Variants in ZAN observed in about 807,000 individuals in gnomAD.
ZAN encodes zonadhesin (gene/pseudogene).
A neutral mutation model predicts 286.2 loss-of-function variants in ZAN; 260 were observed. The ratio of observed to expected loss-of-function variants is 0.91; its 90% CI spans 0.82 to 1.01. ZAN has a LOEUF of 1.01. ZAN is among the 50% of genes least tolerant of loss of function. The pLI, the probability that ZAN is intolerant of heterozygous loss-of-function variation, is 0.00. For missense variants in ZAN, 3,410 were observed against 3,639.2 expected (o/e 0.94, Z 1.62); for synonymous variants, 1,368 against 1,417.5 (o/e 0.97, Z 0.79).
chr7:100,774,149 A>G (rs369554136), intron 31 of ZAN, among the ~76,000 whole-genome samples: 2 of 152,270 alleles, frequency 1.3e-5, no homozygotes, highest in East Asian at 3.9e-4. Flanking sequence ...AGCACTTTGG[A>G]AGGCCAAGGC....
At position 100,738,871 on chromosome 7, in the gene ZAN, T is replaced by TTCTCCTTCTC. The variant is rs1807500066; in HGVS notation, c.766+258_766+259insTCTCCTTCTC. Among the ~76,000 whole-genome samples the TTCTCCTTCTC allele has an allele frequency of 9.7e-4, 23 of 23,702 alleles. 5 individuals are homozygous for TTCTCCTTCTC. The highest frequency in any genetic ancestry group is 5.6e-3 in the South Asian group (2 of 360). 15.5% of individuals were successfully genotyped at this position (23,702 alleles called of 152,430 possible). On this transcript the variant is annotated intron_variant, in intron 7 of 47. Coordinates refer to ENST00000613979, the MANE Select transcript of ZAN (RefSeq NM_003386.3). ...TTCTTCTTCTTTCTCTTCCTCTTCT[T>TTCTCCTTCTC]CTTCTCCCTCTCCCTCTCCCTCTCC...
At chr7:100,766,480 A>G in intron 23 of ZAN, 45 bp from the exon 24 acceptor site, 1 of 1,506,350 alleles carries the variant, frequency 6.6e-7, no homozygotes, top group Admixed American at 2.1e-5. Flanking sequence ...AACAAAACAA[A>G]GCAAAAAAAA....
intron 41 of ZAN, 79 bp downstream of exon 41, chr7:100,792,227 C>T (rs757919448): frequency 1.3e-6 from 2 of 1,503,114 alleles, no homozygotes; most frequent in Non-Finnish European, 1.8e-6. Flanking sequence ...TGCCCGCTTC[C>T]TGACCCAAGC....
rs774081625 is a variant in ZAN at position 100,746,737 on chromosome 7, C to T, written c.931+35C>T. 3.7e-6 allele frequency: 6 copies of T among 1,606,064 alleles called. No homozygotes were observed. In the South Asian group the frequency reaches 5.5e-5, roughly 15 times the overall value. On this transcript the variant is annotated intron_variant, in intron 8 of 47. Transcript: ENST00000613979. Reference sequence around the variant, plus strand: ...GAGAATTAATGGGATTTACACTGATCTGGGCGCATCTCCCAGGGTTGGCTT... The same window carrying T: ...GAGAATTAATGGGATTTACACTGATTTGGGCGCATCTCCCAGGGTTGGCTT...
chr7:100,738,951 C>T (rs372978782), intron 7 of ZAN, among the ~76,000 whole-genome samples: 7 of 9,092 alleles, frequency 7.7e-4, no homozygotes, highest in Non-Finnish European at 1.1e-3. Flanking sequence ...CTCCCTCTCC[C>T]TCTCCCTCTC....
chr7:100,735,753 T>TC lies in ZAN; in HGVS notation c.88dup (p.Arg30ProfsTer4), dbSNP rs1456785643. 2.7e-6 allele frequency: 4 copies of TC among 1,508,502 alleles called. No homozygotes were observed. In the South Asian group the frequency reaches 4.6e-5, roughly 17 times the overall value. 93.4% of individuals were successfully genotyped at this position (1,508,502 alleles called of 1,614,324 possible). On this transcript the variant is annotated frameshift_variant, in exon 3 of 48. Coordinates refer to ENST00000613979, the MANE Select transcript of ZAN (RefSeq NM_003386.3). LOFTEE classifies it high-confidence loss of function. ...AGCCTCCGGACCAGAAGCTGGTTGT[T>TC]CGCAGCTCTAGGGACAACTGTGAGT...
intron 35 of ZAN, among the ~76,000 whole-genome samples, 193 bp from the exon 36 acceptor site, chr7:100,784,430 T>G (rs1811426426): frequency 6.6e-6 from 1 of 151,926 alleles, no homozygotes; most frequent in African/African-American, 2.4e-5. Context: ...GCCCAGCCGC[T>G]TTTTCCTTGC....
At chr7:100,784,511 A>G in intron 35 of ZAN, 112 bp from the exon 36 acceptor site, 1 of 1,027,462 alleles carries the variant, frequency 9.7e-7, no homozygotes. Context: ...AAGAACAAAA[A>G]AAGCTCCCCA....
Position 100,775,730 on chromosome 7 carries a change from C to T in ZAN, c.6089C>T (p.Ser2030Phe), listed in dbSNP as rs576793029. Residue 2030 changes from serine (S) to phenylalanine (F), a missense_variant, in exon 33 of 48, where the codon TCC (serine) becomes TTC (phenylalanine). Physicochemically the swap from Ser to Phe is radical, Grantham distance 155 (BLOSUM62 -2). Transcript: ENST00000613979. ...CAGATCCCTGGGGTCAGTGTCAAGT[C>T]CAGCAGCATCTACAGCATTGTTAAC... ...ISQIPGVSVK[S>F]SSIYSIVNIK... 1 of 1,613,936 alleles carries T rather than the reference C, an allele frequency of 6.2e-7. No individual in the cohort carries two copies. The highest frequency in any genetic ancestry group is 1.7e-5 in the Admixed American group (1 of 59,998).
rs186024842 is a variant in ZAN at position 100,766,803 on chromosome 7, T to A, written c.4612+137T>A. 1.0e-3 allele frequency: 1,448 copies of A among 1,432,268 alleles called. 3 individuals carry two copies. Among genetic ancestry groups the A allele is most frequent in the Non-Finnish European group, 1.3e-3 (1,378 of 1,080,262 alleles). 88.7% of individuals were successfully genotyped at this position (1,432,268 alleles called of 1,614,324 possible). On this transcript the variant is annotated intron_variant, in intron 24 of 47. Coordinates refer to ENST00000613979, the MANE Select transcript of ZAN (RefSeq NM_003386.3). ...GGGAGGGGCAGCAGGGGCAGCATTT[T>A]CAGGGACCCAAAGGGTGAGGTTGGG...
chr7:100,783,764 AT>A (rs1278711747), intron 35 of ZAN, among the ~76,000 whole-genome samples: 1 of 11,562 alleles, frequency 8.6e-5, no homozygotes, highest in Non-Finnish European at 1.4e-4. Flanking sequence ...AAAAAAAAAA[AT>A]ATATATATAT....
chr7:100,774,115 G>A (rs1249176437), intron 31 of ZAN, among the ~76,000 whole-genome samples: 2 of 152,194 alleles, frequency 1.3e-5, no homozygotes, highest in East Asian at 1.9e-4. Flanking sequence ...GGGGCCAGAC[G>A]CCATGGCTCA....
intron 6 of ZAN, among the ~76,000 whole-genome samples, chr7:100,737,563 G>C (rs556045191): frequency 7.1e-6 from 1 of 140,376 alleles, no homozygotes; most frequent in Admixed American, 7.1e-5. Context: ...AAAATTAGCC[G>C]GGCGCGGTGG....
chr7:100,771,575 G>T (rs1214662153), intron 28 of ZAN, among the ~76,000 whole-genome samples: 1 of 152,068 alleles, frequency 6.6e-6, no homozygotes, highest in African/African-American at 2.4e-5. Flanking sequence ...TGGACTACAG[G>T]TGCCCTCTAC....
rs750279106 is a variant in ZAN at position 100,740,186 on chromosome 7, A to C, written c.766+1573A>C. On this transcript the variant is annotated intron_variant, in intron 7 of 47. Transcript: ENST00000613979. Reference sequence around the variant, plus strand: ...GTGACCTGAGATCCACAGGAGCGGCAGATCACATAGAGCCTTGAAGGCCAT... The same window carrying C: ...GTGACCTGAGATCCACAGGAGCGGCCGATCACATAGAGCCTTGAAGGCCAT... Among the ~76,000 whole-genome samples, 10 of 141,352 alleles carry C rather than the reference A, an allele frequency of 7.1e-5. 4 individuals are homozygous for C. The highest frequency in any genetic ancestry group is 1.6e-4 in the Non-Finnish European group (10 of 63,126). 92.7% of individuals were successfully genotyped at this position (141,352 alleles called of 152,430 possible). A position where few individuals can be genotyped will look rare whatever the true frequency, so the allele number is the denominator to read the frequency against.
intron 17 of ZAN, among the ~76,000 whole-genome samples, chr7:100,759,488 G>A (rs576566809): frequency 1.8e-4 from 27 of 152,294 alleles, no homozygotes; most frequent in African/African-American, 4.6e-4. Flanking sequence ...GAGCACAGAC[G>A]CCCTGGAGGA....
In ZAN at chr7:100,786,265, G is replaced by A. The variant is rs938580455; in HGVS notation, c.6979+124G>A. ...AGCACAGTCAGGGGTTGGGGCGGGC[G>A]ACTGGATCAGGAGGCCTGGCCTCCA... On this transcript the variant is annotated intron_variant, in intron 37 of 47. Coordinates refer to ENST00000613979, the MANE Select transcript of ZAN (RefSeq NM_003386.3). 7.0e-6 allele frequency: 10 copies of A among 1,420,346 alleles called. No homozygotes were observed. The South Asian group carries it at 1.1e-4, about 15-fold the overall frequency. The allele number at this position is 1,420,346 out of a possible 1,614,324, so 88.0% of individuals were successfully genotyped here. A position where few individuals can be genotyped will look rare whatever the true frequency, so the allele number is the denominator to read the frequency against.
chr7:100,767,167 C>CG lies in ZAN; in HGVS notation c.4776dup (p.Ile1593AspfsTer16), dbSNP rs769958392. Reference sequence around the variant, plus strand: ...TTGTGAGCGCCACCAACGAGAACCGCGGGGGGATCCTGGAGGTCTCCTACA... The same window carrying CG: ...TTGTGAGCGCCACCAACGAGAACCGCGGGGGGGATCCTGGAGGTCTCCTACA... On this transcript the variant is annotated frameshift_variant, in exon 25 of 48. Transcript: ENST00000613979. LOFTEE classifies it high-confidence loss of function. The CG allele has an allele frequency of 5.6e-6, 9 of 1,613,832 alleles. No homozygotes were observed. The South Asian group carries it at 9.9e-5, about 18-fold the overall frequency.
chr7:100,797,610 G>A lies in ZAN; in HGVS notation c.8400G>A (p.Arg2800=), dbSNP rs959455302. 1.2e-5 allele frequency: 19 copies of A among 1,613,794 alleles called. No individual in the cohort carries two copies. Among genetic ancestry groups the A allele is most frequent in the African/African-American group, 1.3e-5 (1 of 74,892 alleles). ...EKTQEGDRLA[R]LVDTDTVLDC... is the part of the protein sequence containing the mutation. The stretch of plus-strand genomic sequence containing the variant: ...CGCAGGAGGGAGACAGACTGGCCAG[G>A]CTGGTGGACACAGGTGAGAACCAAC... Residue 2800 remains arginine, a synonymous_variant, in exon 47 of 48, where the codon AGG becomes AGA. Transcript: ENST00000613979.
Sources: gnomAD v4.1 joint callset for allele counts (sites outside exome capture counted in the v4.1 genomes callset) on GRCh38, gnomAD v4.1.1 for gene constraint, MANE v1.5 for transcripts, NCBI Gene and HGNC (gene_info 2026-07-23, HGNC 2026-07-21) for gene names.